CAMK1D: variants seen among roughly 807,000 people sequenced by gnomAD.
CAMK1D encodes the protein calcium/calmodulin dependent protein kinase ID, also known as calcium/calmodulin-dependent protein kinase type 1D.
A neutral mutation model predicts 47.7 loss-of-function variants in CAMK1D; 9 were observed. That is an observed-to-expected ratio of 0.19 (90% CI 0.11 to 0.33). The LOEUF (loss-of-function observed/expected upper bound fraction) is 0.33, where lower values mean the gene tolerates loss of function less well. CAMK1D is among the 10% of genes least tolerant of loss of function. CAMK1D has a pLI of 1.00. For synonymous variants in CAMK1D, 184 were observed against 184.9 expected (o/e 0.99, Z 0.04); for missense variants, 291 against 488.7 (o/e 0.60, Z 3.81).
At chr10:12,800,954 A>C (rs936519930) in intron 6 of CAMK1D, among the ~76,000 whole-genome samples, 4 of 152,144 alleles carry the variant, frequency 2.6e-5, no homozygotes, top group Admixed American at 6.5e-5. Flanking sequence ...GTTGTTGCCC[A>C]AAATTTTAAA....
chr10:12,652,301 G>A (rs1229936888), intron 2 of CAMK1D, among the ~76,000 whole-genome samples: 2 of 151,658 alleles, frequency 1.3e-5, no homozygotes, highest in Non-Finnish European at 2.9e-5. Context: ...ATTCCCTAGG[G>A]CTGGGTGCTG....
chr10:12,727,031 C>T (rs1458679219), intron 3 of CAMK1D, among the ~76,000 whole-genome samples: 1 of 152,220 alleles, frequency 6.6e-6, no homozygotes. Context: ...TCCCCTTCCG[C>T]GTTATCCTCA....
At chr10:12,813,878 C>T (rs1320228980) in intron 6 of CAMK1D, among the ~76,000 whole-genome samples, 1 of 151,750 alleles carries the variant, frequency 6.6e-6, no homozygotes, top group East Asian at 1.9e-4. Flanking sequence ...TCCCTTGAGG[C>T]TCTCCCACCT....
chr10:12,534,385 T>C (rs998599072), intron 1 of CAMK1D, among the ~76,000 whole-genome samples: 2 of 151,622 alleles, frequency 1.3e-5, no homozygotes, highest in African/African-American at 4.9e-5. Flanking sequence ...AATTTTCTTT[T>C]AGACGGAGTC....
chr10:12,523,752 A>T (rs1163186527), intron 1 of CAMK1D, among the ~76,000 whole-genome samples: 3 of 152,124 alleles, frequency 2.0e-5, no homozygotes, highest in South Asian at 4.1e-4. Context: ...AGGGAGAGGG[A>T]GACCGTGGGG....
intron 8 of CAMK1D, among the ~76,000 whole-genome samples, chr10:12,822,148 G>A (rs997725608): frequency 2.6e-5 from 4 of 152,160 alleles, no homozygotes; most frequent in East Asian, 1.9e-4. Flanking sequence ...TTGGCGAAGC[G>A]TGCTGAAGTT....
At chr10:12,756,601 A>G (rs1836235483) in intron 3 of CAMK1D, among the ~76,000 whole-genome samples, 1 of 152,214 alleles carries the variant, frequency 6.6e-6, no homozygotes, top group Admixed American at 6.5e-5. Context: ...ATACAATGGC[A>G]TTATACTGTC....
chr10:12,777,010 A>T (rs1162616243), intron 5 of CAMK1D, among the ~76,000 whole-genome samples: 2 of 152,210 alleles, frequency 1.3e-5, no homozygotes, highest in African/African-American at 4.8e-5. Flanking sequence ...GGTTGCAAAT[A>T]ACTTTTAGCC....
At chr10:12,648,997 G>T (rs1378466099) in intron 2 of CAMK1D, among the ~76,000 whole-genome samples, 1 of 152,228 alleles carries the variant, frequency 6.6e-6, no homozygotes, top group East Asian at 1.9e-4. Flanking sequence ...CTTCTGAGTA[G>T]CTGGAACTAC....
At chr10:12,397,511 G>C (rs1839004913) in intron 1 of CAMK1D, among the ~76,000 whole-genome samples, 1 of 152,154 alleles carries the variant, frequency 6.6e-6, no homozygotes, top group South Asian at 2.1e-4. Flanking sequence ...CTCTAGCCCT[G>C]AATTGAACAG....
At chr10:12,704,734 CATT>C (rs1335340138) in intron 3 of CAMK1D, among the ~76,000 whole-genome samples, 3 of 152,132 alleles carry the variant, frequency 2.0e-5, no homozygotes, top group Non-Finnish European at 4.4e-5. Context: ...CGATGGCAAA[CATT>C]GTGGTTTCTG....
chr10:12,752,245 G>A (rs539923090), intron 3 of CAMK1D, among the ~76,000 whole-genome samples: 4 of 152,242 alleles, frequency 2.6e-5, no homozygotes, highest in East Asian at 1.9e-4. Flanking sequence ...TGATCTGGGC[G>A]GACAGCACCC....
At position 12,349,740 on chromosome 10, in the gene CAMK1D, C is replaced by A; in HGVS notation, c.-79C>A. On this transcript the variant is annotated 5_prime_UTR_variant, in exon 1 of 11. Transcript: ENST00000619168. Reference sequence around the variant, plus strand: ...CCCGAGCCGCCCGGCATCCCCGCCGCCTCTGCGCCCGCGCCGCGCCCCCGG... The same window carrying A: ...CCCGAGCCGCCCGGCATCCCCGCCGACTCTGCGCCCGCGCCGCGCCCCCGG... 2.4e-6 allele frequency: 1 copy of A among 422,182 alleles called. No homozygotes were observed. Among genetic ancestry groups the A allele is most frequent in the Non-Finnish European group, 3.3e-6 (1 of 299,058 alleles). 26.2% of individuals were successfully genotyped at this position (422,182 alleles called of 1,614,324 possible).
intron 1 of CAMK1D, among the ~76,000 whole-genome samples, chr10:12,503,286 C>T (rs1478861662): frequency 6.6e-6 from 1 of 152,170 alleles, no homozygotes; most frequent in Non-Finnish European, 1.5e-5. Flanking sequence ...ATTTGCTCCT[C>T]GCCCCGCCTG....
chr10:12,530,715 C>T (rs574906860), intron 1 of CAMK1D, among the ~76,000 whole-genome samples: 54 of 152,242 alleles, frequency 3.5e-4, no homozygotes, highest in African/African-American at 1.3e-3. Flanking sequence ...CTTTTTCAGA[C>T]CCCTTCCTTT....
intron 1 of CAMK1D, among the ~76,000 whole-genome samples, chr10:12,394,358 A>G (rs928492656): frequency 6.6e-5 from 10 of 152,220 alleles, no homozygotes; most frequent in African/African-American, 2.2e-4. Context: ...TGATTGATGT[A>G]AATCACTGGT....
chr10:12,402,945 C>A (rs1298565642), intron 1 of CAMK1D, among the ~76,000 whole-genome samples: 1 of 151,978 alleles, frequency 6.6e-6, no homozygotes, highest in Admixed American at 6.6e-5. Context: ...TGGAGCTCTC[C>A]AGGGCTAGAA....
intron 3 of CAMK1D, among the ~76,000 whole-genome samples, chr10:12,760,223 AT>A (rs1409905870): frequency 1.3e-5 from 2 of 152,238 alleles, no homozygotes; most frequent in African/African-American, 4.8e-5. Context: ...ACCTAGTCCC[AT>A]TTTGAAAAAT....
chr10:12,611,588 C>CATTTTTTTTTTTTTTTTTT (rs1838622182), intron 2 of CAMK1D, among the ~76,000 whole-genome samples: 1 of 59,906 alleles, frequency 1.7e-5, no homozygotes, highest in African/African-American at 4.9e-5. Flanking sequence ...TTCAGAATGC[C>CATTTTTTTTTTTTTTTTTT]TTTTTTTTTT....
Sources: allele counts gnomAD v4.1 joint callset (sites outside exome capture counted in the v4.1 genomes callset), GRCh38; gene constraint gnomAD v4.1.1; transcripts MANE v1.5; gene names NCBI Gene and HGNC (gene_info 2026-07-23, HGNC 2026-07-21).